The following TGFBR3L variants were observed in gnomAD, a reference collection of about 807,000 sequenced individuals.
The protein encoded by TGFBR3L is transforming growth factor-beta receptor type 3-like protein.
In TGFBR3L, 21 loss-of-function variants were observed where a neutral mutation model predicts 20.4. The observed-to-expected ratio is 1.03, with a 90% CI of 0.73 to 1.48. TGFBR3L has a LOEUF of 1.48. TGFBR3L is among the 40% of genes most tolerant of loss of function. The probability of loss-of-function intolerance (pLI) is 0.00; values close to 1 mark genes in which losing one functional copy is unlikely to be tolerated. For synonymous variants in TGFBR3L, 245 were observed against 244.2 expected (o/e 1.00, Z -0.03); for missense variants, 479 against 498.0 (o/e 0.96, Z 0.36).
rs1312448891 is a variant in TGFBR3L at position 7,915,081 on chromosome 19, TCTC to T, written c.-1184_-1182del. Among the ~76,000 whole-genome samples the T allele has an allele frequency of 1.3e-5, 2 of 152,160 alleles. No homozygotes were observed. Among genetic ancestry groups the T allele is most frequent in the Non-Finnish European group, 2.9e-5 (2 of 68,032 alleles). On this transcript the variant is annotated 5_prime_UTR_variant, in exon 1 of 6. Coordinates refer to ENST00000565886, the MANE Select transcript of TGFBR3L (RefSeq NM_001195259.2). ...CCTCCGCCTCCCCGGTTCAAGTGATTCTCCTGCCTCAGCCTCCTGAGTAGCTGG... is the reference window on the plus strand; with the variant it reads ...CCTCCGCCTCCCCGGTTCAAGTGATTCTGCCTCAGCCTCCTGAGTAGCTGG...
intron 5 of TGFBR3L, 172 bp from the exon 7 acceptor site, chr19:7,918,745 G>A (rs1983439261): frequency 1.0e-5 from 4 of 396,394 alleles, no homozygotes; most frequent in Non-Finnish European, 1.8e-5. Context: ...TTTGGGTCGA[G>A]CCAGGGGCAT....
At position 7,917,779 on chromosome 19, in the gene TGFBR3L, CGGTGGTGGCGCT is replaced by C; in HGVS notation, c.808_819del (p.Val270_Val273del). On this transcript the variant is annotated inframe_deletion, in exon 4 of 6. Transcript: ENST00000565886. ...GCCCCCGCGGCCCTGGAACCCGCGC[CGGTGGTGGCGCT>C]GGTGTTGGCAGCCTTCGTGCTGGGC... 6.9e-7 allele frequency: 1 copy of C among 1,440,558 alleles called. No individual in the cohort carries two copies. The allele number at this position is 1,440,558 out of a possible 1,614,324, so 89.2% of individuals were successfully genotyped here.
At chr19:7,917,902 G>C in intron 4 of TGFBR3L, 43 bp downstream of exon 5, 1 of 1,379,626 alleles carries the variant, frequency 7.2e-7, no homozygotes, top group Non-Finnish European at 9.3e-7. Flanking sequence ...GTCTAATCCC[G>C]CGCGTCGGGA....
rs977859274 is a variant in TGFBR3L, at chr19:7,917,720, C to G, written c.744C>G (p.Pro248=). ...CCACAGGGCCGCCCAAGAGTGTCCC[C>G]GGCCGTGCAGTGCGCCCTGAGCCTC... The change falls in exon 4 of 6, where the codon CCC becomes CCG. Residue 248 remains proline (P), a synonymous_variant. Transcript: ENST00000565886. 2.2e-5 allele frequency: 32 copies of G among 1,426,394 alleles called. No individual in the cohort carries two copies. The Admixed American group carries it at 3.0e-4, about 13-fold the overall frequency. 88.4% of individuals were successfully genotyped at this position (1,426,394 alleles called of 1,614,324 possible). A position where few individuals can be genotyped will look rare whatever the true frequency, so the allele number is the denominator to read the frequency against.
At chr19:7,918,031 T>C in intron 4 of TGFBR3L, 26 bp from the exon 6 acceptor site, 1 of 1,530,558 alleles carries the variant, frequency 6.5e-7, no homozygotes, top group Non-Finnish European at 8.7e-7. Context: ...GCAGCAGCCC[T>C]TCTGCAGCTC....
Position 7,916,291 on chromosome 19 carries a change from CG to C in TGFBR3L, c.25del (p.Ala9HisfsTer21), listed in dbSNP as rs1217368824. Reference sequence around the variant, plus strand: ...TCATGGGTGAATCGGCCGCCGCAACCGCATCCCTTTTCCAAAGGCGGCGGCG... The same window carrying C: ...TCATGGGTGAATCGGCCGCCGCAACCCATCCCTTTTCCAAAGGCGGCGGCG... On this transcript the variant is annotated frameshift_variant, in exon 1 of 6. Transcript: ENST00000565886. LOFTEE classifies it high-confidence loss of function. 7 of 1,535,250 alleles carry C rather than the reference CG, an allele frequency of 4.6e-6. No homozygotes were observed. The African/African-American group carries it at 9.6e-5, about 21-fold the overall frequency.
Position 7,915,492 on chromosome 19 carries a change from A to G in TGFBR3L, c.-776A>G, listed in dbSNP as rs1983240610. Among the ~76,000 whole-genome samples the G allele has an allele frequency of 6.6e-6, 1 of 151,946 alleles. No individual in the cohort carries two copies. Among genetic ancestry groups the G allele is most frequent in the African/African-American group, 2.4e-5 (1 of 41,384 alleles). ...AGTGGGTGTGGTGTGCGGATGGACA[A>G]GGGGGCTCATGCCTGTAATCCCAGC... is the stretch of plus-strand genomic sequence containing the variant. On this transcript the variant is annotated 5_prime_UTR_variant, in exon 1 of 6. Transcript: ENST00000565886.
chr19:7,916,989 G>A, intron 2 of TGFBR3L, 47 bp downstream of exon 3: 2 of 1,267,910 alleles, frequency 1.6e-6, no homozygotes, highest in East Asian at 3.2e-5. Context: ...GCCCTTCGGG[G>A]GCTGGGCACG....
chr19:7,916,897 GGCGCCT>G lies in TGFBR3L; in HGVS notation c.559_564del (p.Ala187_Pro188del). The stretch of plus-strand genomic sequence containing the variant: ...GCCGCCGCCTCCGGGGAGTCCGCCG[GGCGCCT>G]GCGCCTCTGACGCCGCCGCCGCCGC... On this transcript the variant is annotated inframe_deletion, in exon 2 of 6. Transcript: ENST00000565886. 1.1e-5 allele frequency: 15 copies of G among 1,337,500 alleles called. No individual in the cohort carries two copies. The highest frequency in any genetic ancestry group is 1.3e-5 in the Non-Finnish European group (14 of 1,049,834). The allele number at this position is 1,337,500 out of a possible 1,614,324, so 82.9% of individuals were successfully genotyped here.
In TGFBR3L at chr19:7,916,021, G is replaced by T. The variant is rs1218343025; in HGVS notation, c.-247G>T. 3 of 623,390 alleles carry T rather than the reference G, an allele frequency of 4.8e-6. No individual in the cohort carries two copies. Among genetic ancestry groups the T allele is most frequent in the Non-Finnish European group, 7.9e-6 (3 of 379,868 alleles). 38.6% of individuals were successfully genotyped at this position (623,390 alleles called of 1,614,324 possible). A position where few individuals can be genotyped will look rare whatever the true frequency, so the allele number is the denominator to read the frequency against. On this transcript the variant is annotated 5_prime_UTR_variant, in exon 1 of 6. Transcript: ENST00000565886. Reference sequence around the variant, plus strand: ...CTATCTCCCCTTAGAAAGGGGAGCCGCCTGTCCTGCTGCGTCCCCAAGAGC... The same window carrying T: ...CTATCTCCCCTTAGAAAGGGGAGCCTCCTGTCCTGCTGCGTCCCCAAGAGC...
chr19:7,915,631 G>C lies in TGFBR3L; in HGVS notation c.-637G>C, dbSNP rs757013472. On this transcript the variant is annotated 5_prime_UTR_variant, in exon 1 of 6. Coordinates refer to ENST00000565886, the MANE Select transcript of TGFBR3L (RefSeq NM_001195259.2). ...CGAGTGGCTGTGGTCATAGCTACTC[G>C]AGAGGCTGAAGCAGGAGGATGGCTG... is the stretch of plus-strand genomic sequence containing the variant. Among the ~76,000 whole-genome samples the C allele has an allele frequency of 6.6e-6, 1 of 152,200 alleles. No individual in the cohort carries two copies. Among genetic ancestry groups the C allele is most frequent in the Non-Finnish European group, 1.5e-5 (1 of 68,038 alleles).
chr19:7,916,298 C>T lies in TGFBR3L; in HGVS notation c.31C>T (p.Leu11Phe). 6.5e-7 allele frequency: 1 copy of T among 1,535,502 alleles called. No homozygotes were observed. Among genetic ancestry groups the T allele is most frequent in the East Asian group, 2.4e-5 (1 of 40,916 alleles). The change falls in exon 1 of 6, where the codon CTT becomes TTT. Residue 11 changes from leucine to phenylalanine, a missense_variant. Physicochemically the swap from Leu to Phe is conservative, Grantham distance 22 (BLOSUM62 0). Coordinates refer to ENST00000565886, the MANE Select transcript of TGFBR3L (RefSeq NM_001195259.2). ...TGAATCGGCCGCCGCAACCGCATCC[C>T]TTTTCCAAAGGCGGCGGCGGGGGCG...
chr19:7,916,472 G>C lies in TGFBR3L; in HGVS notation c.205G>C (p.Asp69His). 2 of 1,529,964 alleles carry C rather than the reference G, an allele frequency of 1.3e-6. No homozygotes were observed. The highest frequency in any genetic ancestry group is 1.7e-6 in the Non-Finnish European group (2 of 1,142,946). The allele number at this position is 1,529,964 out of a possible 1,614,324, so 94.8% of individuals were successfully genotyped here. The stretch of plus-strand genomic sequence containing the variant: ...ACCCCTCTTCAGCCTGAAGCTGTCC[G>C]ACACAGAGGACGTCTTTCCTCGCCG... Residue 69 changes from aspartate (D) to histidine (H), a missense_variant, in exon 1 of 6, where the codon GAC becomes CAC. By Grantham distance (81) the Asp-to-His change is moderately conservative. Coordinates refer to ENST00000565886, the MANE Select transcript of TGFBR3L (RefSeq NM_001195259.2).
chr19:7,918,643 T>G (rs542109245), intron 5 of TGFBR3L: 6 of 352,818 alleles, frequency 1.7e-5, no homozygotes, highest in Admixed American at 1.4e-4. Flanking sequence ...TGATGAGGCA[T>G]TCTCTGAATT....
At chr19:7,918,213 T>C (rs1983406395) in intron 5 of TGFBR3L, 84 bp downstream of exon 6, 1 of 1,398,780 alleles carries the variant, frequency 7.1e-7, no homozygotes, top group Non-Finnish European at 9.6e-7. Flanking sequence ...CCAGGCACTG[T>C]GGTTTTTTTG....
rs946558789 is a variant in TGFBR3L at position 7,916,141 on chromosome 19, C to G, written c.-127C>G. 7.0e-7 allele frequency: 1 copy of G among 1,434,184 alleles called. No individual in the cohort carries two copies. Among genetic ancestry groups the G allele is most frequent in the Non-Finnish European group, 9.1e-7 (1 of 1,098,188 alleles). 88.8% of individuals were successfully genotyped at this position (1,434,184 alleles called of 1,614,324 possible). A position where few individuals can be genotyped will look rare whatever the true frequency, so the allele number is the denominator to read the frequency against. On this transcript the variant is annotated 5_prime_UTR_variant, in exon 1 of 6. Coordinates refer to ENST00000565886, the MANE Select transcript of TGFBR3L (RefSeq NM_001195259.2). The stretch of plus-strand genomic sequence containing the variant: ...TTCTCTTCCGCCCCAGGGAGGGCTT[C>G]GCCAGCTTCGGAGGCTTCTCTAGGG...
rs574155089 is a variant in TGFBR3L at position 7,915,132 on chromosome 19, G to A, written c.-1136G>A. Among the ~76,000 whole-genome samples the A allele has an allele frequency of 6.6e-6, 1 of 152,092 alleles. No homozygotes were observed. Among genetic ancestry groups the A allele is most frequent in the Admixed American group, 6.6e-5 (1 of 15,266 alleles). ...TGGGACTACAGGCACGCACCACCAC[G>A]CCTGGCTAATTGTTGTATTTTTAGT... On this transcript the variant is annotated 5_prime_UTR_variant, in exon 1 of 6. Transcript: ENST00000565886.
At position 7,916,724 on chromosome 19, in the gene TGFBR3L, CG is replaced by C. The variant is rs1310617561; in HGVS notation, c.380del (p.Arg127LeufsTer47). ...CCCGGGGCCCGCCCTGGCTCTGCTGCGTGAGGGCTGCCCCGCCGACACCTCT... is the reference window on the plus strand; with the variant it reads ...CCCGGGGCCCGCCCTGGCTCTGCTGCTGAGGGCTGCCCCGCCGACACCTCT... On this transcript the variant is annotated frameshift_variant, in exon 2 of 6. Coordinates refer to ENST00000565886, the MANE Select transcript of TGFBR3L (RefSeq NM_001195259.2). LOFTEE classifies it high-confidence loss of function. The C allele has an allele frequency of 6.7e-7, 1 of 1,484,472 alleles. No homozygotes were observed. The highest frequency in any genetic ancestry group is 1.3e-5 in the South Asian group (1 of 78,412). 92.0% of individuals were successfully genotyped at this position (1,484,472 alleles called of 1,614,324 possible). A position where few individuals can be genotyped will look rare whatever the true frequency, so the allele number is the denominator to read the frequency against.
In TGFBR3L at chr19:7,917,593, C is replaced by T. The variant is rs181559352; in HGVS notation, c.718C>T (p.Pro240Ser). 8 of 1,476,000 alleles carry T rather than the reference C, an allele frequency of 5.4e-6. No individual in the cohort carries two copies. The East Asian group carries it at 1.3e-4, about 25-fold the overall frequency. 91.4% of individuals were successfully genotyped at this position (1,476,000 alleles called of 1,614,324 possible). The change falls in exon 3 of 6, where the codon CCC becomes TCC. Residue 240 changes from proline to serine, a missense_variant. Pro to Ser is a moderately conservative substitution (Grantham distance 74). Transcript: ENST00000565886. ...TATCGTGGTCACCGTGCCGCGGCCG[C>T]CCCCCAGTGAGCACGCAGTCCTCCT...
Sources: allele counts gnomAD v4.1 joint callset (sites outside exome capture counted in the v4.1 genomes callset), GRCh38; gene constraint gnomAD v4.1.1; transcripts MANE v1.5; gene names NCBI Gene and HGNC (gene_info 2026-07-23, HGNC 2026-07-21).